Variants in LTBP1 observed in about 807,000 individuals in gnomAD.
The protein encoded by LTBP1 is latent transforming growth factor beta binding protein 1.
Under a neutral mutation model 207.6 loss-of-function variants are expected in LTBP1, and 129 were observed. That is an observed-to-expected ratio of 0.62 (90% CI 0.54 to 0.72). The LOEUF is 0.72. Ranked by LOEUF, LTBP1 falls within the 30% of genes least tolerant of loss-of-function variation. The probability of loss-of-function intolerance (pLI) is 0.00; values close to 1 mark genes in which losing one functional copy is unlikely to be tolerated. For synonymous variants in LTBP1, 963 were observed against 833.7 expected (o/e 1.16, Z -2.67); for missense variants, 2,281 against 2,217.2 (o/e 1.03, Z -0.58).
rs527432297 is a variant in LTBP1 at position 33,283,012 on chromosome 2, G to A, written c.3112+2854G>A. Among the ~76,000 whole-genome samples, 36 of 142,082 alleles carry A rather than the reference G, an allele frequency of 2.5e-4. 1 individual carries two copies. In the South Asian group the frequency reaches 7.5e-3, roughly 30 times the overall value. 93.2% of individuals were successfully genotyped at this position (142,082 alleles called of 152,430 possible). A position where few individuals can be genotyped will look rare whatever the true frequency, so the allele number is the denominator to read the frequency against. ...TGGGAGGCGGAGGTTGCAGTGAGCCGAGATTGCGCCACTGCACTCCAGCCT... is the reference window on the plus strand; with the variant it reads ...TGGGAGGCGGAGGTTGCAGTGAGCCAAGATTGCGCCACTGCACTCCAGCCT... On this transcript the variant is annotated intron_variant, in intron 19 of 33. Coordinates refer to ENST00000404816, the MANE Select transcript of LTBP1 (RefSeq NM_206943.4).
In LTBP1 at chr2:33,298,541, G is replaced by A. The variant is rs556191566; in HGVS notation, c.3236-1910G>A. On this transcript the variant is annotated intron_variant, in intron 20 of 33. Transcript: ENST00000404816. ...AAGAACTATTGTTGGTCTTCAGTTC[G>A]TGAACTGACATCTCAAGTATTTTAT... Among the ~76,000 whole-genome samples the A allele has an allele frequency of 2.6e-5, 4 of 152,308 alleles. No homozygotes were observed. The South Asian group carries it at 8.3e-4, about 32-fold the overall frequency.
At chr2:33,084,160 T>TA (rs939793256) in intron 3 of LTBP1, among the ~76,000 whole-genome samples, 42 of 152,228 alleles carry the variant, frequency 2.8e-4, no homozygotes, top group African/African-American at 8.9e-4. Flanking sequence ...TTTTGTGGGA[T>TA]AAAAAAAACA....
At position 33,333,722 on chromosome 2, in the gene LTBP1, G is replaced by A. The variant is rs117654251; in HGVS notation, c.3731-9116G>A. On this transcript the variant is annotated intron_variant, in intron 24 of 33. Coordinates refer to ENST00000404816, the MANE Select transcript of LTBP1 (RefSeq NM_206943.4). The stretch of plus-strand genomic sequence containing the variant: ...GAGTTGCCTGTGAAATATCCATGTG[G>A]GTGTGTCCCATAGGGAATTGGATCA... Among the ~76,000 whole-genome samples, 95 of 152,222 alleles carry A rather than the reference G, an allele frequency of 6.2e-4. 3 individuals carry two copies. The East Asian group carries it at 0.013, about 20-fold the overall frequency.
chr2:33,293,995 C>CTTTTTT lies in LTBP1; in HGVS notation c.3235+736_3235+741dup, dbSNP rs71409607. ...ATTAGTGAACAAAACTGGTACAGGTCTTTTTTTTTTTTTTTTTTTTTTTTT... is the reference window on the plus strand; with the variant it reads ...ATTAGTGAACAAAACTGGTACAGGTCTTTTTTTTTTTTTTTTTTTTTTTTTTTTTTT... On this transcript the variant is annotated intron_variant, in intron 20 of 33. Transcript: ENST00000404816. Among the ~76,000 whole-genome samples, 205 of 48,840 alleles carry CTTTTTT rather than the reference C, an allele frequency of 4.2e-3. 59 individuals carry two copies. The highest frequency in any genetic ancestry group is 0.016 in the African/African-American group (179 of 11,546). 32.0% of individuals were successfully genotyped at this position (48,840 alleles called of 152,430 possible).
At chr2:33,180,516 A>G (rs577941166) in intron 5 of LTBP1, among the ~76,000 whole-genome samples, 3 of 150,410 alleles carry the variant, frequency 2.0e-5, no homozygotes, top group South Asian at 2.1e-4. Flanking sequence ...CGGTGGTGCA[A>G]TCTCAGCTCA....
At chr2:33,153,209 C>G (rs79003390) in intron 5 of LTBP1, among the ~76,000 whole-genome samples, 2,285 of 152,248 alleles carry the variant, frequency 0.015, 22 homozygotes, top group East Asian at 0.027. Context: ...TTGTACAACT[C>G]CAGTGATACA....
intron 24 of LTBP1, among the ~76,000 whole-genome samples, chr2:33,329,609 G>C (rs1378570887): frequency 6.6e-6 from 1 of 151,968 alleles, no homozygotes; most frequent in Non-Finnish European, 1.5e-5. Context: ...TTTCCTAAAT[G>C]GACATCAAAT....
chr2:33,037,837 C>T (rs947135622), intron 3 of LTBP1, among the ~76,000 whole-genome samples: 3 of 152,208 alleles, frequency 2.0e-5, no homozygotes, highest in African/African-American at 7.2e-5. Context: ...CCCACCTCAG[C>T]CACCCAAGTA....
intron 5 of LTBP1, among the ~76,000 whole-genome samples, chr2:33,182,686 T>TGA (rs1215386722): frequency 0.011 from 535 of 48,592 alleles, 104 homozygotes; most frequent in Middle Eastern, 0.019. Context: ...GAAAAGATGG[T>TGA]GATATATATA....
chr2:33,203,244 C>G (rs1158509840), intron 7 of LTBP1, among the ~76,000 whole-genome samples: 1 of 152,170 alleles, frequency 6.6e-6, no homozygotes, highest in African/African-American at 2.4e-5. Flanking sequence ...GACTTTCGCG[C>G]AGGGGCCCTC....
At chr2:33,062,617 T>C (rs1307918609) in intron 3 of LTBP1, among the ~76,000 whole-genome samples, 1 of 152,234 alleles carries the variant, frequency 6.6e-6, no homozygotes, top group Non-Finnish European at 1.5e-5. Flanking sequence ...CATATATATG[T>C]GAGTCTATTT....
intron 2 of LTBP1, among the ~76,000 whole-genome samples, chr2:32,970,110 G>C (rs1680635888): frequency 6.6e-6 from 1 of 152,058 alleles, no homozygotes; most frequent in South Asian, 2.1e-4. Flanking sequence ...TTCTTTAATG[G>C]GATTGTTTGT....
chr2:32,980,792 T>C (rs1156518498), intron 2 of LTBP1, among the ~76,000 whole-genome samples: 1 of 152,176 alleles, frequency 6.6e-6, no homozygotes, highest in African/African-American at 2.4e-5. Flanking sequence ...AGCTTTTGTT[T>C]TTCTGGGAAA....
At chr2:32,997,122 C>T (rs775063980) in intron 2 of LTBP1, among the ~76,000 whole-genome samples, 32 of 152,002 alleles carry the variant, frequency 2.1e-4, no homozygotes, top group African/African-American at 5.8e-4. Flanking sequence ...TGACCTCAAG[C>T]GATCCGCCCA....
At chr2:33,377,167 G>A (rs1268052244) in intron 31 of LTBP1, among the ~76,000 whole-genome samples, 2 of 152,244 alleles carry the variant, frequency 1.3e-5, no homozygotes, top group Non-Finnish European at 2.9e-5. Context: ...AACTGCTGAA[G>A]ACAGAGCTCT....
In LTBP1 at chr2:32,954,304, G is replaced by A. The variant is rs1002483012; in HGVS notation, c.565+5359G>A. ...CGGGCTTCTGTAACAAGTTCCACAA[G>A]CTGGGTGACTTAGAACGATAGAAAT... On this transcript the variant is annotated intron_variant, in intron 2 of 33. Transcript: ENST00000404816. Among the ~76,000 whole-genome samples the A allele has an allele frequency of 2.6e-5, 4 of 152,208 alleles. 1 individual carries two copies. In the South Asian group the frequency reaches 6.2e-4, roughly 24 times the overall value.
At chr2:33,066,798 G>T (rs771800301) in intron 3 of LTBP1, among the ~76,000 whole-genome samples, 12 of 152,174 alleles carry the variant, frequency 7.9e-5, no homozygotes, top group Non-Finnish European at 1.6e-4. Flanking sequence ...TGACTCCTTT[G>T]TTATCCAAGC....
At chr2:33,094,298 C>G (rs1260559809) in intron 3 of LTBP1, among the ~76,000 whole-genome samples, 1 of 151,974 alleles carries the variant, frequency 6.6e-6, no homozygotes, top group African/African-American at 2.4e-5. Flanking sequence ...AGATTTTTGT[C>G]TCTGATACTT....
chr2:33,189,160 G>A (rs1329703654), intron 7 of LTBP1, among the ~76,000 whole-genome samples: 1 of 151,354 alleles, frequency 6.6e-6, no homozygotes, highest in East Asian at 1.9e-4. Context: ...AGTCCCTGAT[G>A]TACAGAATAC....
Sources: allele counts gnomAD v4.1 joint callset (sites outside exome capture counted in the v4.1 genomes callset), GRCh38; gene constraint gnomAD v4.1.1; transcripts MANE v1.5; gene names NCBI Gene and HGNC (gene_info 2026-07-23, HGNC 2026-07-21).